RSF1: variants seen among roughly 807,000 people sequenced by gnomAD.
The protein encoded by RSF1 is HBV pX-associated protein 8.
RSF1 carries 13 observed loss-of-function variants against 145.2 expected under a neutral mutation model. That is an observed-to-expected ratio of 0.09 (90% CI 0.06 to 0.14). The LOEUF (loss-of-function observed/expected upper bound fraction) is 0.14, where lower values mean the gene tolerates loss of function less well. RSF1 is among the 10% of genes least tolerant of loss of function. The probability of loss-of-function intolerance (pLI) is 1.00; values close to 1 mark genes in which losing one functional copy is unlikely to be tolerated. For missense variants in RSF1, 1,517 were observed against 1,718.2 expected, an observed-to-expected ratio of 0.88 and a Z score of 2.07; for synonymous variants, 577 against 592.6, an observed-to-expected ratio of 0.97 and a Z score of 0.38.
At chr11:77,721,957 G>A (rs1960950832) in intron 5 of RSF1, among the ~76,000 whole-genome samples, 1 of 152,216 alleles carries the variant, frequency 6.6e-6, no homozygotes, top group Non-Finnish European at 1.5e-5. Flanking sequence ...AGGATTGCTT[G>A]AAGTCAGGAG....
At chr11:77,842,390 T>C in the RSF1 span, 2 of 1,230,460 alleles carry the variant, frequency 1.6e-6, no homozygotes, top group Non-Finnish European at 2.3e-6. Context: ...TCTTAAATCA[T>C]GGAGAATCAG....
At chr11:77,781,002 CATG>C (rs748712528) in intron 1 of RSF1, among the ~76,000 whole-genome samples, 3 of 152,198 alleles carry the variant, frequency 2.0e-5, no homozygotes, top group South Asian at 4.1e-4. Context: ...TTTTGCTTCA[CATG>C]ATGTTTCTGA....
At chr11:77,672,685 T>C (rs529048038) in intron 14 of RSF1, among the ~76,000 whole-genome samples, 81 of 151,180 alleles carry the variant, frequency 5.4e-4, no homozygotes, top group East Asian at 1.8e-3. Flanking sequence ...TTATCCTTTT[T>C]AGTTTGTTTG....
intron 10 of RSF1, among the ~76,000 whole-genome samples, chr11:77,684,840 T>C (rs186226644): frequency 3.9e-5 from 6 of 152,082 alleles, no homozygotes; most frequent in African/African-American, 1.4e-4. Context: ...ATACAAAAAT[T>C]AGCCGGTATG....
intron 8 of RSF1, among the ~76,000 whole-genome samples, chr11:77,692,380 G>T (rs1252941395): frequency 8.3e-6 from 1 of 120,648 alleles, no homozygotes; most frequent in Non-Finnish European, 1.6e-5. Flanking sequence ...AAGTAGCTGG[G>T]ACTACAGGCG....
intron 8 of RSF1, among the ~76,000 whole-genome samples, chr11:77,693,266 A>T (rs1408948848): frequency 6.6e-6 from 1 of 152,180 alleles, no homozygotes; most frequent in Non-Finnish European, 1.5e-5. Context: ...TGCTTTTAAC[A>T]AATACAAGAA....
chr11:77,864,908 T>C, the RSF1 span, among the ~76,000 whole-genome samples: 1 of 152,174 alleles, frequency 6.6e-6, no homozygotes, highest in African/African-American at 2.4e-5. Context: ...GCCTGGGAGA[T>C]TGAGGCTGCA....
At chr11:77,689,478 T>C (rs774344802) in intron 9 of RSF1, among the ~76,000 whole-genome samples, 1 of 152,348 alleles carries the variant, frequency 6.6e-6, no homozygotes, top group Non-Finnish European at 1.5e-5. Flanking sequence ...GTCTGAAATA[T>C]GTTCATCGGT....
chr11:77,820,238 C>T (rs1366993989), intron 1 of RSF1, among the ~76,000 whole-genome samples: 2 of 152,138 alleles, frequency 1.3e-5, no homozygotes, highest in Non-Finnish European at 2.9e-5. Flanking sequence ...GTCCCCGGGG[C>T]TGCCGACCGG....
chr11:77,711,791 A>C (rs986954558), intron 5 of RSF1, among the ~76,000 whole-genome samples: 2 of 152,222 alleles, frequency 1.3e-5, no homozygotes, highest in Non-Finnish European at 2.9e-5. Context: ...GTAAAATACT[A>C]TTAAACAGAT....
chr11:77,749,226 GATA>G (rs578036991), intron 2 of RSF1, among the ~76,000 whole-genome samples: 5 of 152,144 alleles, frequency 3.3e-5, no homozygotes, highest in African/African-American at 4.8e-5. Context: ...CTCAAATTAA[GATA>G]ATGATGATGG....
the RSF1 span, among the ~76,000 whole-genome samples, chr11:77,833,005 ATATATTTTTT>A: frequency 1.5e-5 from 1 of 65,734 alleles, no homozygotes; most frequent in African/African-American, 7.7e-5. Context: ...GTGTATATAT[ATATATTTTTT>A]TTTTTTTTTT....
rs66595170 is a variant in RSF1, at chr11:77,788,142, CAAAAAAAAAAAAA to C, written c.188-23466_188-23454del. Reference sequence around the variant, plus strand: ...GGGCAACCAGAGTGAGACACTATCTCAAAAAAAAAAAAAAAAAAAAAAAAAAAAAAAAAAATTA... The same window carrying C: ...GGGCAACCAGAGTGAGACACTATCTCAAAAAAAAAAAAAAAAAAAAAATTA... On this transcript the variant is annotated intron_variant, in intron 1 of 15. Coordinates refer to ENST00000308488, the MANE Select transcript of RSF1 (RefSeq NM_016578.4). Among the ~76,000 whole-genome samples, 32 of 3,420 alleles carry C rather than the reference CAAAAAAAAAAAAA, an allele frequency of 9.4e-3. No homozygotes were observed. In the East Asian group the frequency reaches 0.094, roughly 10 times the overall value. 2.2% of individuals were successfully genotyped at this position (3,420 alleles called of 152,430 possible). A position where few individuals can be genotyped will look rare whatever the true frequency, so the allele number is the denominator to read the frequency against.
chr11:77,691,399 G>A lies in RSF1; in HGVS notation c.2821-161C>T, dbSNP rs1960146104. On this transcript the variant is annotated intron_variant, in intron 8 of 15. Coordinates refer to ENST00000308488, the MANE Select transcript of RSF1 (RefSeq NM_016578.4). Reference sequence around the variant, plus strand: ...TTGTGTTTAATTAAACACACCTTTTGAACAGAAGATGAGCACAGTACCTTT... The same window carrying A: ...TTGTGTTTAATTAAACACACCTTTTAAACAGAAGATGAGCACAGTACCTTT... 5.9e-5 allele frequency among the ~76,000 whole-genome samples: 9 copies of A among 152,156 alleles called. No homozygotes were observed. The South Asian group carries it at 1.9e-3, about 32-fold the overall frequency.
chr11:77,775,057 G>A (rs907861476), intron 1 of RSF1, among the ~76,000 whole-genome samples: 6 of 151,510 alleles, frequency 4.0e-5, no homozygotes, highest in Admixed American at 6.6e-5. Flanking sequence ...GAGCCACTGC[G>A]CCCGGCCGTG....
chr11:77,819,959 G>A (rs1181725255), intron 1 of RSF1, among the ~76,000 whole-genome samples: 5 of 152,144 alleles, frequency 3.3e-5, no homozygotes, highest in Non-Finnish European at 7.4e-5. Flanking sequence ...AGGGAAAAGG[G>A]ACAAATCTCT....
intron 5 of RSF1, among the ~76,000 whole-genome samples, chr11:77,715,171 T>G (rs1042334358): frequency 1.3e-5 from 2 of 152,100 alleles, no homozygotes; most frequent in Non-Finnish European, 1.5e-5. Flanking sequence ...AGTTAAAAAA[T>G]TATTTAAGTT....
At chr11:77,863,383 G>A in the RSF1 span, among the ~76,000 whole-genome samples, 5 of 152,232 alleles carry the variant, frequency 3.3e-5, no homozygotes, top group South Asian at 4.1e-4. Flanking sequence ...AACTCAGCTC[G>A]AGCCATAACA....
the RSF1 span, among the ~76,000 whole-genome samples, chr11:77,834,441 G>GTTTTTTTTTT: frequency 8.5e-5 from 9 of 105,520 alleles, no homozygotes; most frequent in African/African-American, 1.8e-4. Context: ...AGTTGATTTT[G>GTTTTTTTTTT]TTTTTTTTTT....
Sources: gnomAD v4.1 joint callset for allele counts (sites outside exome capture counted in the v4.1 genomes callset) on GRCh38, gnomAD v4.1.1 for gene constraint, MANE v1.5 for transcripts, NCBI Gene and HGNC (gene_info 2026-07-23, HGNC 2026-07-21) for gene names.